ARFGAP3: variants seen among roughly 807,000 people sequenced by gnomAD.
ARFGAP3 encodes the protein ADP-ribosylation factor GTPase-activating protein 3.
ARFGAP3 carries 72 observed loss-of-function variants against 75.0 expected under a neutral mutation model. That is an observed-to-expected ratio of 0.96 (90% CI 0.79 to 1.17). ARFGAP3 has a LOEUF of 1.17. ARFGAP3 is among the 50% of genes most tolerant of loss of function. The probability of loss-of-function intolerance (pLI) is 0.00; values close to 1 mark genes in which losing one functional copy is unlikely to be tolerated. For missense variants in ARFGAP3, 620 were observed against 626.6 expected (o/e 0.99, Z 0.11); for synonymous variants, 221 against 217.9 (o/e 1.01, Z -0.13).
At chr22:42,819,101 C>G (rs1396588822) in intron 9 of ARFGAP3, among the ~76,000 whole-genome samples, 1 of 152,164 alleles carries the variant, frequency 6.6e-6, no homozygotes, top group East Asian at 1.9e-4. Flanking sequence ...GCATGAGCCA[C>G]CGCGCCCGGT....
In ARFGAP3 at chr22:42,847,660, T is replaced by C. The variant is rs747266655; in HGVS notation, c.70-28A>G. The C allele has an allele frequency of 3.7e-6, 6 of 1,605,392 alleles. No individual in the cohort carries two copies. In the South Asian group the frequency reaches 5.5e-5, roughly 15 times the overall value. On this transcript the variant is annotated intron_variant, in intron 1 of 15. Coordinates refer to ENST00000263245, the MANE Select transcript of ARFGAP3 (RefSeq NM_014570.5). ...GAAAAAAAATGTTAAATTCAGTTAC[T>C]AATTTATGTTAGCCAAATAAATTAT... is the stretch of plus-strand genomic sequence containing the variant.
chr22:42,820,653 G>C (rs142387303), intron 9 of ARFGAP3, among the ~76,000 whole-genome samples: 1 of 152,220 alleles, frequency 6.6e-6, no homozygotes, highest in East Asian at 1.9e-4. Context: ...AAATACACAT[G>C]AAAGTAAGAG....
At chr22:42,841,243 A>G (rs1390970943) in intron 2 of ARFGAP3, 1 of 261,108 alleles carries the variant, frequency 3.8e-6, no homozygotes, top group Admixed American at 6.5e-5. Flanking sequence ...GCACAGGGAC[A>G]TGACAAGTGT....
intron 14 of ARFGAP3, among the ~76,000 whole-genome samples, chr22:42,801,372 A>C (rs1412632597): frequency 6.6e-6 from 1 of 152,206 alleles, no homozygotes; most frequent in African/African-American, 2.4e-5. Context: ...ATGGGTCAGG[A>C]CAGGCCAGGT....
Position 42,826,383 on chromosome 22 carries a change from C to CT in ARFGAP3, c.625+556dup, listed in dbSNP as rs113925697. On this transcript the variant is annotated intron_variant, in intron 7 of 15. Coordinates refer to ENST00000263245, the MANE Select transcript of ARFGAP3 (RefSeq NM_014570.5). ...TATTGGCTAAATGTGCACATTGCTG[C>CT]TTTTTTTTTTTTTTGAGACAAGGTA... is the stretch of plus-strand genomic sequence containing the variant. Among the ~76,000 whole-genome samples, 440 of 142,112 alleles carry CT rather than the reference C, an allele frequency of 3.1e-3. 3 individuals are homozygous for CT. Among genetic ancestry groups the CT allele is most frequent in the African/African-American group, 7.1e-3 (275 of 38,866 alleles). 93.2% of individuals were successfully genotyped at this position (142,112 alleles called of 152,430 possible).
chr22:42,821,888 C>CCAA (rs1283617315), intron 9 of ARFGAP3, among the ~76,000 whole-genome samples: 62 of 152,340 alleles, frequency 4.1e-4, no homozygotes, highest in African/African-American at 1.3e-3. Context: ...CACATCCTAG[C>CCAA]CAACACCTGT....
intron 11 of ARFGAP3, among the ~76,000 whole-genome samples, chr22:42,811,372 C>A (rs1042014776): frequency 3.3e-5 from 5 of 152,180 alleles, no homozygotes; most frequent in African/African-American, 1.2e-4. Flanking sequence ...TTGGCCTATC[C>A]AGACAACACA....
intron 1 of ARFGAP3, among the ~76,000 whole-genome samples, chr22:42,851,266 T>C (rs1179193054): frequency 6.6e-6 from 1 of 151,940 alleles, no homozygotes; most frequent in Non-Finnish European, 1.5e-5. Flanking sequence ...ATGCAAAGGG[T>C]TTTTGGTAGA....
chr22:42,819,903 A>G (rs564170168), intron 9 of ARFGAP3, among the ~76,000 whole-genome samples: 1 of 152,340 alleles, frequency 6.6e-6, no homozygotes, highest in Non-Finnish European at 1.5e-5. Flanking sequence ...GAACAAGGCC[A>G]TGAAAGTTGC....
chr22:42,843,318 G>A (rs1403590756), intron 2 of ARFGAP3, among the ~76,000 whole-genome samples: 1 of 152,136 alleles, frequency 6.6e-6, no homozygotes, highest in Non-Finnish European at 1.5e-5. Flanking sequence ...ACAAAAAGTC[G>A]CTACAAAGCA....
At chr22:42,812,073 G>A (rs972209418) in intron 11 of ARFGAP3, among the ~76,000 whole-genome samples, 12 of 151,586 alleles carry the variant, frequency 7.9e-5, no homozygotes, top group Admixed American at 2.0e-4. Context: ...GACCATCTCC[G>A]GGGATTAAAA....
intron 3 of ARFGAP3, among the ~76,000 whole-genome samples, chr22:42,840,097 A>AT (rs1041251245): frequency 9.9e-5 from 15 of 151,554 alleles, no homozygotes. Context: ...TGATTTGCTA[A>AT]TTTTTGCATT....
In ARFGAP3 at chr22:42,817,774, T is replaced by C. The variant is rs552164906; in HGVS notation, c.896A>G (p.Asn299Ser). ...DEKMNISGKK[N>S]VDSDRLGMGF... Reference sequence around the variant, plus strand: ...CATGCCGAGTCTGTCTGAGTCAACATTTTTTTTGCCACTAATGTTCATCTT... The same window carrying C: ...CATGCCGAGTCTGTCTGAGTCAACACTTTTTTTGCCACTAATGTTCATCTT... The change falls in exon 10 of 16, where the codon AAT becomes AGT. Residue 299 changes from asparagine (N) to serine (S), a missense_variant. By Grantham distance (46) the Asn-to-Ser change is conservative. Transcript: ENST00000263245. The C allele has an allele frequency of 4.6e-5, 74 of 1,597,898 alleles. 1 individual carries two copies. In the South Asian group the frequency reaches 7.6e-4, roughly 16 times the overall value.
chr22:42,815,697 CAT>C (rs1383817851), intron 11 of ARFGAP3, among the ~76,000 whole-genome samples: 1 of 152,194 alleles, frequency 6.6e-6, no homozygotes, highest in African/African-American at 2.4e-5. Flanking sequence ...CCCTCAGAGA[CAT>C]AAGTGATGGA....
rs17003339 is a variant in ARFGAP3, at chr22:42,806,083, A to T, written c.1411+990T>A. On this transcript the variant is annotated intron_variant, in intron 14 of 15. Coordinates refer to ENST00000263245, the MANE Select transcript of ARFGAP3 (RefSeq NM_014570.5). ...CTCTGTGGCTGTAAGGCCAAGTGAT[A>T]GCCTAGGTTGGTCACTTAGAGCCAC... Among the ~76,000 whole-genome samples the T allele has an allele frequency of 1.6e-3, 246 of 152,328 alleles. 1 individual carries two copies. The highest frequency in any genetic ancestry group is 5.9e-4 in the Non-Finnish European group (40 of 68,024).
intron 6 of ARFGAP3, among the ~76,000 whole-genome samples, chr22:42,827,990 G>C (rs1428725527): frequency 6.6e-6 from 1 of 152,092 alleles, no homozygotes; most frequent in Non-Finnish European, 1.5e-5. Context: ...TTTAAAAATA[G>C]ATAAAGTGTA....
chr22:42,828,195 G>GA (rs1443016493), intron 6 of ARFGAP3, among the ~76,000 whole-genome samples: 10 of 152,112 alleles, frequency 6.6e-5, no homozygotes, highest in African/African-American at 2.4e-4. Context: ...GGCCAAGGGG[G>GA]ACGCATCATG....
Position 42,824,170 on chromosome 22 carries a change from ATTTT to A in ARFGAP3, c.626-472_626-469del, listed in dbSNP as rs57620930. Among the ~76,000 whole-genome samples, 131 of 59,828 alleles carry A rather than the reference ATTTT, an allele frequency of 2.2e-3. 1 individual carries two copies. The highest frequency in any genetic ancestry group is 8.6e-3 in the Middle Eastern group (1 of 116). 39.2% of individuals were successfully genotyped at this position (59,828 alleles called of 152,430 possible). On this transcript the variant is annotated intron_variant, in intron 7 of 15. Coordinates refer to ENST00000263245, the MANE Select transcript of ARFGAP3 (RefSeq NM_014570.5). ...CAGGTGCGCACCACCACATCTGGCTATTTTTTTTTTTTTTTTTTTTTTTTTTTAG... is the reference window on the plus strand; with the variant it reads ...CAGGTGCGCACCACCACATCTGGCTATTTTTTTTTTTTTTTTTTTTTTTAG...
At chr22:42,803,046 A>G (rs1924950165) in intron 14 of ARFGAP3, among the ~76,000 whole-genome samples, 1 of 152,226 alleles carries the variant, frequency 6.6e-6, no homozygotes, top group African/African-American at 2.4e-5. Flanking sequence ...CCCGGGCTGG[A>G]GTACAGTGGT....
Sources: gnomAD v4.1 joint callset for allele counts (sites outside exome capture counted in the v4.1 genomes callset) on GRCh38, gnomAD v4.1.1 for gene constraint, MANE v1.5 for transcripts, NCBI Gene and HGNC (gene_info 2026-07-23, HGNC 2026-07-21) for gene names.